The following KIAA1210 variants were observed in gnomAD, a reference collection of about 807,000 sequenced individuals.
KIAA1210 encodes acrosomal protein KIAA1210.
A neutral mutation model predicts 78.9 loss-of-function variants in KIAA1210; 48 were observed. That is an observed-to-expected ratio of 0.61 (90% CI 0.48 to 0.77). KIAA1210 has a LOEUF of 0.77. KIAA1210 is among the 30% of genes least tolerant of loss of function. KIAA1210 has a pLI of 0.00. For synonymous variants in KIAA1210, 406 were observed against 404.5 expected (o/e 1.00, Z -0.04); for missense variants, 1,108 against 1,100.0 (o/e 1.01, Z -0.10).
chrX:119,129,825 T>TCCAG (rs1928747946), upstream of KIAA1210, among the ~76,000 whole-genome samples: 1 of 111,854 alleles, frequency 8.9e-6, no homozygotes, highest in African/African-American at 3.3e-5. Context: ...CTTCCTACTT[T>TCCAG]CCAGCCACCA....
intron 11 of KIAA1210, among the ~76,000 whole-genome samples, chrX:119,082,691 C>T (rs745963552): frequency 1.8e-5 from 2 of 112,186 alleles, no homozygotes; most frequent in South Asian, 7.5e-4. Context: ...TTGCTATGAA[C>T]TGGAAAGTGA....
intron 7 of KIAA1210, among the ~76,000 whole-genome samples, chrX:119,095,589 T>C (rs1927526848): frequency 1.8e-5 from 2 of 111,295 alleles, no homozygotes; most frequent in Admixed American, 9.6e-5. Context: ...GGTTTCTGCA[T>C]GTTGGTCAGG....
chrX:119,134,731 T>G (rs779373420), intron 2 of KIAA1210, among the ~76,000 whole-genome samples: 1 of 112,230 alleles, frequency 8.9e-6, no homozygotes, highest in South Asian at 3.7e-4. Context: ...GAAATACCTC[T>G]GAGCACCCTG....
At chrX:119,099,187 T>C (rs1174261471) in intron 6 of KIAA1210, among the ~76,000 whole-genome samples, 1 of 112,879 alleles carries the variant, frequency 8.9e-6, no homozygotes, top group Admixed American at 9.3e-5. Flanking sequence ...GAACTTTCAA[T>C]TCAGTTGGCA....
chrX:119,148,837 C>T (rs1269278292), intron 1 of KIAA1210, among the ~76,000 whole-genome samples: 1 of 111,230 alleles, frequency 9.0e-6, no homozygotes, highest in African/African-American at 3.3e-5. Flanking sequence ...CAAACATCTC[C>T]ACGATGAGAA....
intron 8 of KIAA1210, among the ~76,000 whole-genome samples, chrX:119,092,667 A>G (rs1206162205): frequency 1.8e-5 from 2 of 109,730 alleles, no homozygotes; most frequent in East Asian, 2.8e-4. Flanking sequence ...AGGCTGAGGC[A>G]GGAGAATTGC....
chrX:119,096,294 A>G (rs1018712153), intron 7 of KIAA1210, among the ~76,000 whole-genome samples, 200 bp downstream of exon 7: 1 of 112,140 alleles, frequency 8.9e-6, no homozygotes, highest in Admixed American at 9.4e-5. Context: ...TTCCACATGG[A>G]TAGGAAACCA....
chrX:119,100,650 T>C (rs754301287), intron 6 of KIAA1210, among the ~76,000 whole-genome samples: 77 of 111,909 alleles, frequency 6.9e-4, no homozygotes, highest in African/African-American at 2.4e-3. Flanking sequence ...GTCTGAGCTT[T>C]TATTTTTACT....
chrX:119,138,223 T>G (rs767815249), intron 2 of KIAA1210, among the ~76,000 whole-genome samples: 6 of 87,342 alleles, frequency 6.9e-5, no homozygotes, highest in South Asian at 1.3e-3. Context: ...TTTTTTTTTT[T>G]TTTTTTTTTT....
intron 11 of KIAA1210, among the ~76,000 whole-genome samples, chrX:119,082,358 C>T (rs1442400062): frequency 8.9e-6 from 1 of 111,983 alleles, no homozygotes; most frequent in Non-Finnish European, 1.9e-5. Flanking sequence ...TCCTGAATTC[C>T]TGGTCTAATT....
chrX:119,118,534 C>T lies in KIAA1210; in HGVS notation c.62-1870G>A, dbSNP rs143089515. ...AATATTATCTCCCAATGTATGTAAG[C>T]GGAATGTCTGGCAAAAAACACTTTG... is the stretch of plus-strand genomic sequence containing the variant. On this transcript the variant is annotated intron_variant, in intron 2 of 11. Coordinates refer to ENST00000691062, the MANE Select transcript of KIAA1210 (RefSeq NM_001394962.1). Among the ~76,000 whole-genome samples, 341 of 112,279 alleles carry T rather than the reference C, an allele frequency of 3.0e-3. 4 individuals are homozygous for T. Among genetic ancestry groups the T allele is most frequent in the African/African-American group, 0.01 (324 of 30,900 alleles).
chrX:119,124,551 A>G (rs1463842970), intron 1 of KIAA1210, among the ~76,000 whole-genome samples: 4 of 111,987 alleles, frequency 3.6e-5, no homozygotes, highest in Non-Finnish European at 7.5e-5. Context: ...TTGTTTTGAT[A>G]AACACACAGA....
chrX:119,090,497 C>T (rs966325044), intron 8 of KIAA1210, among the ~76,000 whole-genome samples: 3 of 109,941 alleles, frequency 2.7e-5, no homozygotes, highest in African/African-American at 9.9e-5. Context: ...GTCTGGAACT[C>T]CTGACCTTGT....
rs369267469 is a variant in KIAA1210, at chrX:119,083,913, C to T, written c.4321-793G>A. 8.6e-4 allele frequency among the ~76,000 whole-genome samples: 82 copies of T among 94,925 alleles called. 1 individual carries two copies. Among genetic ancestry groups the T allele is most frequent in the African/African-American group, 2.9e-3 (73 of 24,823 alleles). 82.4% of individuals were successfully genotyped at this position (94,925 alleles called of 115,157 possible). Reference sequence around the variant, plus strand: ...TATGGCGGGGATGAAGGGGAAGGATCGTTTGAGCCTGGGAGGTTGACACTA... The same window carrying T: ...TATGGCGGGGATGAAGGGGAAGGATTGTTTGAGCCTGGGAGGTTGACACTA... On this transcript the variant is annotated intron_variant, in intron 10 of 11. Coordinates refer to ENST00000691062, the MANE Select transcript of KIAA1210 (RefSeq NM_001394962.1).
rs776709157 is a variant in KIAA1210 at position 119,147,537 on chromosome X, T to C, written c.346A>G (p.Arg116Gly). 1.6e-5 allele frequency: 19 copies of C among 1,210,957 alleles called. No individual in the cohort carries two copies. The highest frequency in any genetic ancestry group is 2.2e-5 in the Admixed American group (1 of 46,090). Residue 116 changes from arginine (R) to glycine (G), a missense_variant, in exon 2 of 14, where the codon AGG becomes GGG. Physicochemically the swap from Arg to Gly is moderately radical, Grantham distance 125. Coordinates refer to the KIAA1210 transcript ENST00000402510. ...GCATGATGTGAGGGGCCCACTATCC[T>C]GGCCAGATCCCCAAGATTACCAGCA...
intron 6 of KIAA1210, among the ~76,000 whole-genome samples, chrX:119,098,482 G>A (rs754015618): frequency 9.1e-6 from 1 of 110,098 alleles, no homozygotes; most frequent in South Asian, 4.0e-4. Flanking sequence ...GCAGATGCCT[G>A]TAATCCCAGC....
chrX:119,131,327 C>T (rs762123300), upstream of KIAA1210, among the ~76,000 whole-genome samples: 2 of 111,316 alleles, frequency 1.8e-5, no homozygotes, highest in Non-Finnish European at 3.8e-5. Context: ...CTCACTTATA[C>T]GTGGGAGCTA....
intron 7 of KIAA1210, among the ~76,000 whole-genome samples, chrX:119,095,594 G>A (rs1927526984): frequency 1.8e-5 from 2 of 111,100 alleles, no homozygotes; most frequent in South Asian, 7.7e-4. Flanking sequence ...CTGCATGTTG[G>A]TCAGGCTGGT....
rs765118961 is a variant in KIAA1210, at chrX:119,084,251, GA to G, written c.4320+1131del. On this transcript the variant is annotated intron_variant, in intron 10 of 11. Transcript: ENST00000691062. ...TTTCTGCAGGTTTGATAAGAGGGGA[GA>G]AAGGCATCATCCCATCATCTCTTAT... is the stretch of plus-strand genomic sequence containing the variant. Among the ~76,000 whole-genome samples, 230 of 110,683 alleles carry G rather than the reference GA, an allele frequency of 2.1e-3. 2 individuals are homozygous for G. The highest frequency in any genetic ancestry group is 7.3e-3 in the African/African-American group (222 of 30,469).
Sources: allele counts gnomAD v4.1 joint callset (sites outside exome capture counted in the v4.1 genomes callset), GRCh38; gene constraint gnomAD v4.1.1; transcripts MANE v1.5; gene names NCBI Gene and HGNC (gene_info 2026-07-23, HGNC 2026-07-21).